EPB41L5: variants seen among roughly 807,000 people sequenced by gnomAD.
The protein encoded by EPB41L5 is erythrocyte membrane protein band 4.1 like 5, also known as band 4.1-like protein 5.
EPB41L5 carries 55 observed loss-of-function variants against 106.6 expected under a neutral mutation model. The observed-to-expected ratio is 0.52, with a 90% CI of 0.42 to 0.65. The LOEUF is 0.65. EPB41L5 is among the 30% of genes least tolerant of loss of function. EPB41L5 has a pLI of 0.00. For synonymous variants in EPB41L5, 297 were observed against 306.7 expected (o/e 0.97, Z 0.33); for missense variants, 871 against 882.1 (o/e 0.99, Z 0.16).
chr2:120,033,328 T>C (rs1678837953), intron 2 of EPB41L5, among the ~76,000 whole-genome samples: 1 of 152,248 alleles, frequency 6.6e-6, no homozygotes, highest in Non-Finnish European at 1.5e-5. Context: ...ATGAAGTTTT[T>C]TAAAAATTAC....
At position 120,127,770 on chromosome 2, in the gene EPB41L5, A is replaced by G. The variant is rs375737886; in HGVS notation, c.1420A>G (p.Met474Val). 15 of 1,613,856 alleles carry G rather than the reference A, an allele frequency of 9.3e-6. No homozygotes were observed. Among genetic ancestry groups the G allele is most frequent in the East Asian group, 4.5e-5 (2 of 44,870 alleles). Reference protein sequence around the residue: ...IGDVIGASDTMETSQALNDVN... With the variant: ...IGDVIGASDTVETSQALNDVN... ...TGATGTAATTGGGGCATCTGACACT[A>G]TGGAAACATCCCAAGCACTGAATGA... The change falls in exon 17 of 25, where the codon ATG becomes GTG. Residue 474 changes from methionine to valine, a missense_variant. Coordinates refer to ENST00000263713, the MANE Select transcript of EPB41L5 (RefSeq NM_020909.4).
chr2:120,158,840 C>G (rs1010917810), intron 20 of EPB41L5, among the ~76,000 whole-genome samples: 2 of 152,248 alleles, frequency 1.3e-5, no homozygotes, highest in African/African-American at 4.8e-5. Context: ...CTAGAAAACC[C>G]CATAGTCTCA....
At chr2:120,022,020 G>C (rs1490145493) in intron 2 of EPB41L5, among the ~76,000 whole-genome samples, 1 of 152,076 alleles carries the variant, frequency 6.6e-6, no homozygotes, top group African/African-American at 2.4e-5. Flanking sequence ...GAATGACAAA[G>C]GTATCAGGTA....
At chr2:120,033,905 G>A (rs772817445) in intron 2 of EPB41L5, among the ~76,000 whole-genome samples, 2 of 151,794 alleles carry the variant, frequency 1.3e-5, no homozygotes, top group African/African-American at 2.4e-5. Context: ...ACCAGTCTGG[G>A]TAACATTATG....
intron 2 of EPB41L5, among the ~76,000 whole-genome samples, chr2:120,036,550 A>G (rs1679050094): frequency 6.6e-6 from 1 of 152,146 alleles, no homozygotes; most frequent in Non-Finnish European, 1.5e-5. Flanking sequence ...AAGATAACAA[A>G]CTGTGTGTAT....
intron 10 of EPB41L5, among the ~76,000 whole-genome samples, chr2:120,084,753 C>T (rs1682937537): frequency 6.6e-6 from 1 of 152,218 alleles, no homozygotes; most frequent in South Asian, 2.1e-4. Flanking sequence ...CCTTGACTTT[C>T]AGGTACACCA....
At chr2:120,154,891 A>C (rs1482924390) in intron 20 of EPB41L5, among the ~76,000 whole-genome samples, 1 of 152,172 alleles carries the variant, frequency 6.6e-6, no homozygotes, top group Non-Finnish European at 1.5e-5. Flanking sequence ...GTGCCACTGC[A>C]GTCCAGCCTG....
At chr2:120,117,484 T>C (rs546025436) in intron 16 of EPB41L5, among the ~76,000 whole-genome samples, 1 of 152,192 alleles carries the variant, frequency 6.6e-6, no homozygotes, top group Admixed American at 6.5e-5. Context: ...TTTCTAGATA[T>C]TGCCTGACTC....
chr2:120,094,431 A>G (rs974279415), intron 14 of EPB41L5, among the ~76,000 whole-genome samples: 4 of 146,316 alleles, frequency 2.7e-5, no homozygotes, highest in African/African-American at 1.0e-4. Flanking sequence ...CCATAGTAAT[A>G]TCTCCTCCTT....
intron 5 of EPB41L5, 34 bp downstream of exon 5, chr2:120,074,212 T>C (rs1378327897): frequency 4.7e-6 from 7 of 1,490,330 alleles, no homozygotes; most frequent in Middle Eastern, 1.7e-4. Flanking sequence ...GCCAGGGTTA[T>C]TTTGATAGTT....
chr2:120,165,706 G>A lies in EPB41L5; in HGVS notation c.1962+796G>A, dbSNP rs1029837862. ...AACTTTGCTGGACACGGTGGCTCAC[G>A]CCTGTAATCCCAGCACTTTGGGAGG... On this transcript the variant is annotated intron_variant, in intron 22 of 24. Coordinates refer to ENST00000263713, the MANE Select transcript of EPB41L5 (RefSeq NM_020909.4). Among the ~76,000 whole-genome samples the A allele has an allele frequency of 1.1e-4, 16 of 152,182 alleles. No homozygotes were observed. In the South Asian group the frequency reaches 2.3e-3, roughly 22 times the overall value.
At chr2:120,032,996 A>G (rs903216881) in intron 2 of EPB41L5, among the ~76,000 whole-genome samples, 1 of 152,170 alleles carries the variant, frequency 6.6e-6, no homozygotes, top group Non-Finnish European at 1.5e-5. Flanking sequence ...ATTTTCCCGT[A>G]TGTATTGTTA....
chr2:120,117,749 A>G (rs1232018766), intron 16 of EPB41L5, among the ~76,000 whole-genome samples: 1 of 152,178 alleles, frequency 6.6e-6, no homozygotes, highest in African/African-American at 2.4e-5. Context: ...CATGATGAAT[A>G]TGTTCCACGT....
chr2:120,027,374 G>A (rs776071508), intron 2 of EPB41L5, among the ~76,000 whole-genome samples: 12 of 152,250 alleles, frequency 7.9e-5, no homozygotes, highest in Admixed American at 2.0e-4. Context: ...GAAATGAAGC[G>A]TACTGCTAAA....
chr2:120,148,215 G>A (rs1357938694), intron 20 of EPB41L5, among the ~76,000 whole-genome samples: 16 of 151,826 alleles, frequency 1.1e-4, no homozygotes, highest in Admixed American at 1.0e-3. Context: ...ACACAATTCA[G>A]TAATTTTACA....
chr2:120,170,549 A>G (rs1355014613), intron 24 of EPB41L5, among the ~76,000 whole-genome samples: 1 of 152,238 alleles, frequency 6.6e-6, no homozygotes, highest in Non-Finnish European at 1.5e-5. Flanking sequence ...TCTCCAAAGT[A>G]GTTCCTTACT....
chr2:120,080,442 C>CT (rs1284423002), intron 10 of EPB41L5, among the ~76,000 whole-genome samples: 3 of 152,096 alleles, frequency 2.0e-5, no homozygotes, highest in Non-Finnish European at 4.4e-5. Flanking sequence ...TGAACTCATC[C>CT]TTTTTTATGG....
intron 16 of EPB41L5, chr2:120,104,648 C>T (rs1383753152): frequency 1.0e-6 from 1 of 986,812 alleles, no homozygotes; most frequent in Non-Finnish European, 1.2e-6. Flanking sequence ...GGAAGCATGT[C>T]TAGGCATAAT....
chr2:120,033,291 A>C (rs1345296473), intron 2 of EPB41L5, among the ~76,000 whole-genome samples: 3 of 152,202 alleles, frequency 2.0e-5, no homozygotes, highest in African/African-American at 7.2e-5. Flanking sequence ...GAAATGGTAT[A>C]GTTTTTTCTC....
Sources: gnomAD v4.1 joint callset for allele counts (sites outside exome capture counted in the v4.1 genomes callset) on GRCh38, gnomAD v4.1.1 for gene constraint, MANE v1.5 for transcripts, NCBI Gene and HGNC (gene_info 2026-07-23, HGNC 2026-07-21) for gene names.